The following CPA6 variants were observed in gnomAD, a reference collection of about 807,000 sequenced individuals.
CPA6 encodes the protein carboxypeptidase B.
A neutral mutation model predicts 63.3 loss-of-function variants in CPA6; 58 were observed. The ratio of observed to expected loss-of-function variants is 0.92; its 90% CI spans 0.74 to 1.14. The LOEUF (loss-of-function observed/expected upper bound fraction) is 1.14. Among genes scored for constraint, CPA6 ranks in the 50% most tolerant of loss-of-function variants. The pLI is 0.00. For synonymous variants in CPA6, 185 were observed against 179.0 expected, an observed-to-expected ratio of 1.03 and a Z score of -0.27; for missense variants, 565 against 526.6, an observed-to-expected ratio of 1.07 and a Z score of -0.71.
chr8:67,486,329 T>C (rs2128961558), intron 6 of CPA6, among the ~76,000 whole-genome samples: 1 of 152,368 alleles, frequency 6.6e-6, no homozygotes, highest in African/African-American at 2.4e-5. Flanking sequence ...TAATGGAACA[T>C]GTAGAGAAAT....
chr8:67,614,021 C>A (rs1814877244), intron 2 of CPA6, among the ~76,000 whole-genome samples: 1 of 152,182 alleles, frequency 6.6e-6, no homozygotes, highest in Non-Finnish European at 1.5e-5. Flanking sequence ...TCAATAAAAC[C>A]TTGCATTCAT....
At chr8:67,545,838 C>T (rs2128971826) in intron 2 of CPA6, among the ~76,000 whole-genome samples, 1 of 152,248 alleles carries the variant, frequency 6.6e-6, no homozygotes, top group East Asian at 1.9e-4. Flanking sequence ...GCTGGGATTA[C>T]AGGCGTGAAC....
intron 1 of CPA6, among the ~76,000 whole-genome samples, chr8:67,644,787 C>T (rs957227730): frequency 1.3e-5 from 2 of 152,150 alleles, no homozygotes; most frequent in Non-Finnish European, 2.9e-5. Context: ...AACCAGGCTT[C>T]TTGGCCCAGC....
chr8:67,603,027 T>C (rs1170042311), intron 2 of CPA6, among the ~76,000 whole-genome samples: 1 of 152,232 alleles, frequency 6.6e-6, no homozygotes, highest in Non-Finnish European at 1.5e-5. Context: ...GGTCTCATTA[T>C]AAGCAAGAAG....
At chr8:67,608,835 C>A (rs1452522351) in intron 2 of CPA6, among the ~76,000 whole-genome samples, 3 of 152,142 alleles carry the variant, frequency 2.0e-5, no homozygotes, top group Non-Finnish European at 4.4e-5. Context: ...CATGAAGGGG[C>A]CAAGGCAATT....
At chr8:67,717,173 A>G (rs1419562257) in intron 1 of CPA6, among the ~76,000 whole-genome samples, 1 of 152,238 alleles carries the variant, frequency 6.6e-6, no homozygotes, top group Non-Finnish European at 1.5e-5. Context: ...AATAGCCTGC[A>G]ACAGAGGGAA....
intron 1 of CPA6, among the ~76,000 whole-genome samples, chr8:67,738,145 G>A (rs1474027526): frequency 6.6e-6 from 1 of 152,132 alleles, no homozygotes; most frequent in East Asian, 1.9e-4. Flanking sequence ...TTGGATATCA[G>A]AGTAACCACT....
chr8:67,436,126 C>T (rs1336905761), intron 8 of CPA6, among the ~76,000 whole-genome samples: 2 of 152,170 alleles, frequency 1.3e-5, no homozygotes, highest in Admixed American at 6.5e-5. Context: ...TGTCCCCTCA[C>T]CCACCAGCTA....
intron 1 of CPA6, among the ~76,000 whole-genome samples, chr8:67,643,956 T>C (rs10089689): frequency 0.28 from 42,033 of 151,878 alleles, 5,980 homozygotes; most frequent in African/African-American, 0.34. Context: ...TTTACTACAC[T>C]GAAAGAATTA....
intron 6 of CPA6, among the ~76,000 whole-genome samples, chr8:67,492,694 C>G (rs77813540): frequency 2.6e-5 from 4 of 152,094 alleles, no homozygotes; most frequent in African/African-American, 9.7e-5. Flanking sequence ...CTTCAGCTTG[C>G]GTCGCCACTT....
chr8:67,547,262 G>T (rs1470857503), intron 2 of CPA6, among the ~76,000 whole-genome samples: 1 of 152,068 alleles, frequency 6.6e-6, no homozygotes, highest in African/African-American at 2.4e-5. Context: ...TAGCCAGGAT[G>T]GTCTCGATCT....
chr8:67,531,161 G>T (rs1812469489), intron 2 of CPA6, among the ~76,000 whole-genome samples: 1 of 152,046 alleles, frequency 6.6e-6, no homozygotes, highest in Non-Finnish European at 1.5e-5. Flanking sequence ...AATGTATGTA[G>T]ATAAAATATT....
intron 1 of CPA6, among the ~76,000 whole-genome samples, chr8:67,690,119 G>T (rs1486698045): frequency 1.3e-5 from 2 of 152,084 alleles, no homozygotes; most frequent in Admixed American, 1.3e-4. Context: ...TTTTAATAGG[G>T]TTATTTGTTT....
chr8:67,672,176 T>C (rs1469643844), intron 1 of CPA6, among the ~76,000 whole-genome samples: 1 of 152,202 alleles, frequency 6.6e-6, no homozygotes, highest in Non-Finnish European at 1.5e-5. Flanking sequence ...ATTATCAGTT[T>C]AATGGCATGA....
intron 8 of CPA6, among the ~76,000 whole-genome samples, chr8:67,461,138 A>G (rs1300251226): frequency 6.9e-6 from 1 of 144,084 alleles, no homozygotes; most frequent in Non-Finnish European, 1.5e-5. Context: ...GTAGGACAAT[A>G]GTGGAGGGAA....
intron 2 of CPA6, among the ~76,000 whole-genome samples, chr8:67,520,714 G>T (rs1283862838): frequency 1.3e-5 from 2 of 152,148 alleles, no homozygotes; most frequent in Non-Finnish European, 2.9e-5. Flanking sequence ...GAAGATTCAG[G>T]TTCATAGAGG....
intron 1 of CPA6, among the ~76,000 whole-genome samples, chr8:67,699,238 C>T (rs1050695452): frequency 3.3e-5 from 5 of 151,882 alleles, no homozygotes; most frequent in Non-Finnish European, 7.4e-5. Context: ...GGCAATGTGG[C>T]GAAGTCATGT....
intron 8 of CPA6, among the ~76,000 whole-genome samples, chr8:67,445,308 G>A (rs769175935): frequency 6.6e-6 from 1 of 152,216 alleles, no homozygotes; most frequent in South Asian, 2.1e-4. Context: ...GATTTGATAC[G>A]AGAAAGTTCT....
Position 67,461,064 on chromosome 8 carries a change from T to TTTA in CPA6, c.838+22703_838+22704insTAA, listed in dbSNP as rs1379231527. ...AATTCGATTTCTTTTTTTTTTTTTTTAATTTTAATTTTTTTTATTGATCAT... is the reference window on the plus strand; with the variant it reads ...AATTCGATTTCTTTTTTTTTTTTTTTTTAAATTTTAATTTTTTTTATTGATCAT... On this transcript the variant is annotated intron_variant, in intron 8 of 10. Coordinates refer to ENST00000297770, the MANE Select transcript of CPA6 (RefSeq NM_020361.5). 3.0e-3 allele frequency among the ~76,000 whole-genome samples: 454 copies of TTTA among 149,128 alleles called. 8 individuals are homozygous for TTTA. Among genetic ancestry groups the TTTA allele is most frequent in the African/African-American group, 0.011 (417 of 39,150 alleles).
Sources: gnomAD v4.1 joint callset for allele counts (sites outside exome capture counted in the v4.1 genomes callset) on GRCh38, gnomAD v4.1.1 for gene constraint, MANE v1.5 for transcripts, NCBI Gene and HGNC (gene_info 2026-07-23, HGNC 2026-07-21) for gene names.